Variants in GNAQ observed in about 807,000 individuals in gnomAD.
GNAQ encodes G protein subunit alpha q, also known as guanine nucleotide-binding protein G(q) subunit alpha.
Under a neutral mutation model 43.9 loss-of-function variants are expected in GNAQ, and 8 were observed. The ratio of observed to expected loss-of-function variants is 0.18; its 90% CI spans 0.11 to 0.33. The LOEUF is 0.33. Among genes scored for constraint, GNAQ ranks in the 10% least tolerant of loss-of-function variants. The pLI is 1.00. For synonymous variants in GNAQ, 155 were observed against 170.7 expected (o/e 0.91, Z 0.71); for missense variants, 158 against 450.8 (o/e 0.35, Z 5.88).
intron 1 of GNAQ, among the ~76,000 whole-genome samples, chr9:77,934,684 G>A (rs538660073): frequency 6.6e-6 from 1 of 152,304 alleles, no homozygotes; most frequent in South Asian, 2.1e-4. Flanking sequence ...TTCCAAGTGT[G>A]CCTAATACGC....
intron 2 of GNAQ, among the ~76,000 whole-genome samples, chr9:77,841,674 G>A (rs2117884669): frequency 6.6e-6 from 1 of 152,276 alleles, no homozygotes; most frequent in South Asian, 2.1e-4. Flanking sequence ...ACACATAAAT[G>A]AGTAAGTGAA....
intron 1 of GNAQ, among the ~76,000 whole-genome samples, chr9:77,948,154 A>G (rs1486868791): frequency 6.6e-6 from 1 of 152,078 alleles, no homozygotes; most frequent in Non-Finnish European, 1.5e-5. Context: ...AATGTTTTTG[A>G]ATAAAATAAT....
intron 1 of GNAQ, among the ~76,000 whole-genome samples, chr9:77,998,666 GATAAA>G (rs1171611352): frequency 3.9e-5 from 6 of 152,154 alleles, no homozygotes; most frequent in South Asian, 2.1e-4. Flanking sequence ...CACTACATAA[GATAAA>G]ATAAATCAAA....
intron 1 of GNAQ, among the ~76,000 whole-genome samples, chr9:78,022,070 G>C (rs1823917502): frequency 6.6e-6 from 1 of 152,196 alleles, no homozygotes; most frequent in South Asian, 2.1e-4. Flanking sequence ...ACTTGCTAAG[G>C]CTTCATTCAC....
intron 2 of GNAQ, among the ~76,000 whole-genome samples, chr9:77,823,431 T>C (rs973018288): frequency 6.6e-6 from 1 of 152,194 alleles, no homozygotes; most frequent in Non-Finnish European, 1.5e-5. Context: ...TATAATAATA[T>C]AGTTATAGTC....
At chr9:77,904,554 G>A (rs185672354) in intron 2 of GNAQ, among the ~76,000 whole-genome samples, 11 of 151,896 alleles carry the variant, frequency 7.2e-5, no homozygotes, top group East Asian at 1.9e-4. Flanking sequence ...GGATGGTCTC[G>A]ATCTCCTGAC....
intron 2 of GNAQ, among the ~76,000 whole-genome samples, chr9:77,878,230 T>C (rs191534210): frequency 4.6e-5 from 7 of 151,828 alleles, no homozygotes; most frequent in African/African-American, 1.7e-4. Flanking sequence ...TTGGTGTTTT[T>C]TTTTTTTTTT....
rs1212516502 is a variant in GNAQ at position 78,010,888 on chromosome 9, C to G, written c.136+20212G>C. Among the ~76,000 whole-genome samples, 4 of 152,210 alleles carry G rather than the reference C, an allele frequency of 2.6e-5. No individual in the cohort carries two copies. The East Asian group carries it at 5.8e-4, about 22-fold the overall frequency. On this transcript the variant is annotated intron_variant, in intron 1 of 6. Transcript: ENST00000286548. ...CCCAACTTCAAGGAACATGTAATGT[C>G]TAATTAGAACTCACATTCCTACCTA...
intron 2 of GNAQ, among the ~76,000 whole-genome samples, chr9:77,845,759 T>C (rs770093878): frequency 6.6e-6 from 1 of 152,326 alleles, no homozygotes; most frequent in Non-Finnish European, 1.5e-5. Context: ...GGAAAGTGAC[T>C]GACATGGGCA....
chr9:78,019,024 A>G (rs1483040717), intron 1 of GNAQ, among the ~76,000 whole-genome samples: 3 of 152,176 alleles, frequency 2.0e-5, no homozygotes, highest in South Asian at 2.1e-4. Flanking sequence ...CCCTACAAAA[A>G]ATACGTTTCT....
chr9:77,772,016 G>A (rs1826229755), intron 5 of GNAQ, among the ~76,000 whole-genome samples: 1 of 152,136 alleles, frequency 6.6e-6, no homozygotes, highest in Non-Finnish European at 1.5e-5. Flanking sequence ...CTGGAGTGAA[G>A]AATAAGATCC....
chr9:77,988,193 GTACA>G (rs1823465641), intron 1 of GNAQ, among the ~76,000 whole-genome samples: 1 of 152,244 alleles, frequency 6.6e-6, no homozygotes, highest in South Asian at 2.1e-4. Context: ...GTAAGAGAAA[GTACA>G]AGGCCAGCAG....
chr9:78,012,885 T>C (rs1476851776), intron 1 of GNAQ, among the ~76,000 whole-genome samples: 2 of 152,148 alleles, frequency 1.3e-5, no homozygotes, highest in African/African-American at 4.8e-5. Flanking sequence ...TGAAAATAAA[T>C]AAACTCTAGG....
chr9:77,883,190 C>A (rs2118074656), intron 2 of GNAQ, among the ~76,000 whole-genome samples: 1 of 152,298 alleles, frequency 6.6e-6, no homozygotes, highest in South Asian at 2.1e-4. Context: ...TCCCATCTCT[C>A]CATTTCTCTC....
chr9:77,956,897 T>G (rs973244732), intron 1 of GNAQ, among the ~76,000 whole-genome samples: 1 of 152,156 alleles, frequency 6.6e-6, no homozygotes, highest in Non-Finnish European at 1.5e-5. Flanking sequence ...CAAGGAAGCA[T>G]CATTTATTTG....
At chr9:77,753,206 C>T (rs1825843685) in intron 5 of GNAQ, among the ~76,000 whole-genome samples, 1 of 151,842 alleles carries the variant, frequency 6.6e-6, no homozygotes, top group Non-Finnish European at 1.5e-5. Context: ...CAGACACATA[C>T]CCGAGGCACA....
At chr9:77,956,178 C>T (rs1823038468) in intron 1 of GNAQ, among the ~76,000 whole-genome samples, 1 of 152,086 alleles carries the variant, frequency 6.6e-6, no homozygotes, top group Admixed American at 6.5e-5. Context: ...CTCCCTAGAA[C>T]CTTATAAAGT....
chr9:77,752,075 C>G (rs1345069014), intron 5 of GNAQ, among the ~76,000 whole-genome samples: 1 of 152,116 alleles, frequency 6.6e-6, no homozygotes, highest in African/African-American at 2.4e-5. Context: ...TCAGTATGCA[C>G]GCAGTGGGAA....
intron 1 of GNAQ, among the ~76,000 whole-genome samples, chr9:77,991,477 T>C (rs1040129874): frequency 1.3e-5 from 2 of 152,170 alleles, no homozygotes; most frequent in East Asian, 1.9e-4. Context: ...GACTACGAGA[T>C]TGTCTTTTCT....
Sources: gnomAD v4.1 joint callset for allele counts (sites outside exome capture counted in the v4.1 genomes callset) on GRCh38, gnomAD v4.1.1 for gene constraint, MANE v1.5 for transcripts, NCBI Gene and HGNC (gene_info 2026-07-23, HGNC 2026-07-21) for gene names.